Variants in S100A10 observed in about 807,000 individuals in gnomAD.
S100A10 encodes the protein protein S100-A10.
A neutral mutation model predicts 7.1 loss-of-function variants in S100A10; 3 were observed. The observed-to-expected ratio is 0.42, with a 90% CI of 0.19 to 1.10. S100A10 has a LOEUF of 1.10. S100A10 is among the 50% of genes least tolerant of loss of function. The probability of loss-of-function intolerance (pLI) is 0.29; values close to 1 mark genes in which losing one functional copy is unlikely to be tolerated. For missense variants in S100A10, 101 were observed against 118.1 expected (o/e 0.86, Z 0.67); for synonymous variants, 41 against 39.3 (o/e 1.04, Z -0.16).
rs376427988 is a variant in S100A10 at position 151,986,722 on chromosome 1, C to T, written c.-21-471G>A. Among the ~76,000 whole-genome samples the T allele has an allele frequency of 7.9e-5, 12 of 152,168 alleles. No individual in the cohort carries two copies. In the East Asian group the frequency reaches 9.6e-4, roughly 12 times the overall value. On this transcript the variant is annotated intron_variant, in intron 1 of 2. Transcript: ENST00000368811. ...TCTGTGCTTGGCTTATTTCACTAAGCGTAACGTCCTCCAGGTTCATCTTTG... is the reference window on the plus strand; with the variant it reads ...TCTGTGCTTGGCTTATTTCACTAAGTGTAACGTCCTCCAGGTTCATCTTTG...
intron 1 of S100A10, among the ~76,000 whole-genome samples, chr1:151,991,716 T>C (rs1440340321): frequency 6.6e-6 from 1 of 152,204 alleles, no homozygotes; most frequent in Non-Finnish European, 1.5e-5. Flanking sequence ...TTCCATTGTT[T>C]CTCTCAACTT....
chr1:151,992,807 C>A lies in S100A10; in HGVS notation c.-22+945G>T, dbSNP rs1014770242. Among the ~76,000 whole-genome samples, 9 of 152,194 alleles carry A rather than the reference C, an allele frequency of 5.9e-5. No individual in the cohort carries two copies. The East Asian group carries it at 1.3e-3, about 23-fold the overall frequency. ...TCCCCTGTGCTGGCCTGGCTTGGAG[C>A]GCTCTGCATTCCACCCCAGCCAACA... On this transcript the variant is annotated intron_variant, in intron 1 of 2. Coordinates refer to ENST00000368811, the MANE Select transcript of S100A10 (RefSeq NM_002966.3).
intron 1 of S100A10, among the ~76,000 whole-genome samples, chr1:151,989,343 C>T (rs771972838): frequency 6.6e-5 from 10 of 152,122 alleles, no homozygotes; most frequent in Non-Finnish European, 1.5e-4. Context: ...CCTCCCCCAG[C>T]GGTTTTATTC....
In S100A10 at chr1:151,983,061, TCTGCTCATGAAATCCTTCTATGGGGGAAG is replaced by T; in HGVS notation, c.*73_*101del. The T allele has an allele frequency of 1.4e-6, 1 of 734,272 alleles. No homozygotes were observed. The highest frequency in any genetic ancestry group is 2.8e-5 in the East Asian group (1 of 35,940). The allele number at this position is 734,272 out of a possible 1,614,324, so 45.5% of individuals were successfully genotyped here. A position where few individuals can be genotyped will look rare whatever the true frequency, so the allele number is the denominator to read the frequency against. ...TTTTTACATTTGCTAAGTGTCCTGA[TCTGCTCATGAAATCCTTCTATGGGGGAAG>T]CTGTGGGGCAGATTCCTTAAGCGAC... On this transcript the variant is annotated 3_prime_UTR_variant, in exon 3 of 3. Coordinates refer to ENST00000368811, the MANE Select transcript of S100A10 (RefSeq NM_002966.3).
intron 1 of S100A10, among the ~76,000 whole-genome samples, chr1:151,991,120 C>G (rs1026479428): frequency 2.8e-4 from 42 of 152,160 alleles, no homozygotes; most frequent in Admixed American, 2.6e-3. Context: ...AAATAAACGG[C>G]AGGGTGTCAG....
intron 1 of S100A10, among the ~76,000 whole-genome samples, chr1:151,991,631 C>T (rs1655904599): frequency 6.6e-6 from 1 of 152,210 alleles, no homozygotes; most frequent in African/African-American, 2.4e-5. Context: ...AAATGAGAAA[C>T]TTAAGATGTT....
chr1:151,989,591 G>A lies in S100A10; in HGVS notation c.-21-3340C>T, dbSNP rs185206972. Among the ~76,000 whole-genome samples, 44 of 152,330 alleles carry A rather than the reference G, an allele frequency of 2.9e-4. 1 individual carries two copies. In the East Asian group the frequency reaches 7.3e-3, roughly 25 times the overall value. On this transcript the variant is annotated intron_variant, in intron 1 of 2. Coordinates refer to ENST00000368811, the MANE Select transcript of S100A10 (RefSeq NM_002966.3). ...GCTTTAAAATAAGACAAAGGAAAGG[G>A]GGAAATGTTGTGATTAAAACTCTGT... is the stretch of plus-strand genomic sequence containing the variant.
rs1283473464 is a variant in S100A10 at position 151,987,024 on chromosome 1, C to T, written c.-21-773G>A. 8.1e-5 allele frequency among the ~76,000 whole-genome samples: 10 copies of T among 122,782 alleles called. No individual in the cohort carries two copies. In the South Asian group the frequency reaches 2.0e-3, roughly 25 times the overall value. The allele number at this position is 122,782 out of a possible 152,430, so 80.5% of individuals were successfully genotyped here. On this transcript the variant is annotated intron_variant, in intron 1 of 2. Transcript: ENST00000368811. ...AATTTAGAAAAGCAACATCAGTGTT[C>T]CTCTTTTTTTTTTTTTTTTTTTTTT... is the stretch of plus-strand genomic sequence containing the variant.
At chr1:151,986,608 T>C (rs191834759) in intron 1 of S100A10, among the ~76,000 whole-genome samples, 2 of 152,236 alleles carry the variant, frequency 1.3e-5, no homozygotes, top group Non-Finnish European at 2.9e-5. Flanking sequence ...ATCACTCAAA[T>C]GCAATCACCC....
At chr1:151,990,702 C>A (rs575047718) in intron 1 of S100A10, among the ~76,000 whole-genome samples, 1 of 152,326 alleles carries the variant, frequency 6.6e-6, no homozygotes, top group East Asian at 1.9e-4. Context: ...CATGCACACA[C>A]ACACAAAGCT....
In S100A10 at chr1:151,990,399, G is replaced by T. The variant is rs570100941; in HGVS notation, c.-22+3353C>A. Among the ~76,000 whole-genome samples the T allele has an allele frequency of 7.9e-5, 12 of 152,288 alleles. No homozygotes were observed. In the South Asian group the frequency reaches 2.3e-3, roughly 29 times the overall value. ...TTTCTAGTGCTGCTATCTCACTGCT[G>T]AGCTCCACAGGATAATAACAGCCTT... On this transcript the variant is annotated intron_variant, in intron 1 of 2. Coordinates refer to ENST00000368811, the MANE Select transcript of S100A10 (RefSeq NM_002966.3).
intron 2 of S100A10, 85 bp downstream of exon 2, chr1:151,986,014 G>T: frequency 8.2e-7 from 1 of 1,215,170 alleles, no homozygotes; most frequent in Non-Finnish European, 1.1e-6. Context: ...CCACAGGGAA[G>T]GGATGGAAAC....
intron 1 of S100A10, among the ~76,000 whole-genome samples, chr1:151,990,245 T>C (rs1655878119): frequency 6.6e-6 from 1 of 152,326 alleles, no homozygotes; most frequent in South Asian, 2.1e-4. Context: ...GGAGTGCACA[T>C]TCCATACGCA....
intron 1 of S100A10, among the ~76,000 whole-genome samples, chr1:151,990,407 C>A (rs1655880945): frequency 6.6e-6 from 1 of 152,236 alleles, no homozygotes; most frequent in Non-Finnish European, 1.5e-5. Flanking sequence ...CTGAGCTCCA[C>A]AGGATAATAA....
chr1:151,987,626 G>A (rs1655821075), intron 1 of S100A10, among the ~76,000 whole-genome samples: 1 of 142,158 alleles, frequency 7.0e-6, no homozygotes, highest in South Asian at 2.2e-4. Context: ...TGCAAGCTCC[G>A]CTTCCTGGAT....
rs373519527 is a variant in S100A10, at chr1:151,983,206, T to C, written c.251A>G (p.Asn84Ser). Residue 84 changes from asparagine to serine, a missense_variant, in exon 3 of 3, where the codon AAT becomes AGT. By Grantham distance (46) the Asn-to-Ser change is conservative. Transcript: ENST00000368811. ...SLIAGLTIAC[N>S]DYFVVHMKQK... ...CTTCATGTGTACTACAAAATAGTCA[T>C]TGCATGCAATGGTGAGGCCCGCAAT... 2.5e-5 allele frequency: 40 copies of C among 1,601,082 alleles called. No homozygotes were observed. The highest frequency in any genetic ancestry group is 3.2e-5 in the Non-Finnish European group (38 of 1,175,650).
At chr1:151,992,791 C>G (rs1176357702) in intron 1 of S100A10, among the ~76,000 whole-genome samples, 3 of 152,228 alleles carry the variant, frequency 2.0e-5, no homozygotes, top group Non-Finnish European at 4.4e-5. Flanking sequence ...CTCCCCTGTG[C>G]TGGCCTGGCT....
chr1:151,986,026 A>G, intron 2 of S100A10, 73 bp downstream of exon 2: 2 of 1,369,006 alleles, frequency 1.5e-6, no homozygotes, highest in South Asian at 1.6e-5. Flanking sequence ...GATGGAAACA[A>G]GAAGGAAAAG....
rs1655772682 is a variant in S100A10 at position 151,985,524 on chromosome 1, T to C, written c.132+575A>G. 1.0e-4 allele frequency among the ~76,000 whole-genome samples: 3 copies of C among 30,050 alleles called. No homozygotes were observed. The East Asian group carries it at 4.6e-3, about 46-fold the overall frequency. 19.7% of individuals were successfully genotyped at this position (30,050 alleles called of 152,430 possible). A position where few individuals can be genotyped will look rare whatever the true frequency, so the allele number is the denominator to read the frequency against. On this transcript the variant is annotated intron_variant, in intron 2 of 2. Transcript: ENST00000368811. ...AAGCAGTTATTTCTGGAGTGATATG[T>C]GGCTTTTATTCAGTAGATGACTGAC...
Sources: gnomAD v4.1 joint callset for allele counts (sites outside exome capture counted in the v4.1 genomes callset) on GRCh38, gnomAD v4.1.1 for gene constraint, MANE v1.5 for transcripts, NCBI Gene and HGNC (gene_info 2026-07-23, HGNC 2026-07-21) for gene names.